The following PTPRD variants were observed in gnomAD, a reference collection of about 807,000 sequenced individuals.
PTPRD encodes receptor-type tyrosine-protein phosphatase delta.
A neutral mutation model predicts 214.5 loss-of-function variants in PTPRD; 34 were observed. That is an observed-to-expected ratio of 0.16 (90% CI 0.12 to 0.21). The LOEUF (loss-of-function observed/expected upper bound fraction) is 0.21, where lower values mean the gene tolerates loss of function less well. Ranked by LOEUF, PTPRD falls within the 10% of genes least tolerant of loss-of-function variation. The pLI, the probability that PTPRD is intolerant of heterozygous loss-of-function variation, is 1.00. For synonymous variants in PTPRD, 1,128 were observed against 845.7 expected (o/e 1.33, Z -5.79); for missense variants, 2,545 against 2,398.7 (o/e 1.06, Z -1.27).
chr9:9,812,180 G>A (rs571993912), intron 5 of PTPRD, among the ~76,000 whole-genome samples: 99 of 152,168 alleles, frequency 6.5e-4, no homozygotes, highest in African/African-American at 2.2e-3. Context: ...ATAGACCACA[G>A]TATAGTATAA....
At chr9:8,395,911 G>A (rs369992184) in intron 36 of PTPRD, among the ~76,000 whole-genome samples, 1 of 152,056 alleles carries the variant, frequency 6.6e-6, no homozygotes, top group African/African-American at 2.4e-5. Context: ...TGATAGAGGG[G>A]CGTGCTTTTT....
intron 9 of PTPRD, among the ~76,000 whole-genome samples, chr9:9,315,075 AGTT>A (rs1460644685): frequency 6.6e-6 from 1 of 152,008 alleles, no homozygotes; most frequent in Non-Finnish European, 1.5e-5. Flanking sequence ...GGCCAACTAA[AGTT>A]GTCATTTAGA....
At chr9:8,673,077 A>G (rs1341485683) in intron 12 of PTPRD, among the ~76,000 whole-genome samples, 2 of 152,032 alleles carry the variant, frequency 1.3e-5, no homozygotes, top group Non-Finnish European at 2.9e-5. Context: ...TTCTACTAAG[A>G]TATCCTTACA....
At chr9:9,043,544 A>G (rs2154385221) in intron 10 of PTPRD, among the ~76,000 whole-genome samples, 1 of 152,270 alleles carries the variant, frequency 6.6e-6, no homozygotes, top group Non-Finnish European at 1.5e-5. Context: ...AGAAGGTGCC[A>G]CTCTATCTTT....
chr9:10,111,974 C>A (rs2098695240), intron 3 of PTPRD, among the ~76,000 whole-genome samples: 1 of 152,178 alleles, frequency 6.6e-6, no homozygotes, highest in South Asian at 2.1e-4. Flanking sequence ...AGCAGATGTA[C>A]TTTCTTTTCA....
chr9:10,264,777 T>G (rs2093940384), intron 3 of PTPRD, among the ~76,000 whole-genome samples: 1 of 152,064 alleles, frequency 6.6e-6, no homozygotes, highest in African/African-American at 2.4e-5. Context: ...AGGGGCGGAA[T>G]GATATGGTTT....
At chr9:9,975,063 A>C (rs2382097) in intron 4 of PTPRD, among the ~76,000 whole-genome samples, 3 of 104,866 alleles carry the variant, frequency 2.9e-5, no homozygotes, top group Admixed American at 2.6e-4. Context: ...TATCACAATC[A>C]ACTGAGGATT....
intron 8 of PTPRD, among the ~76,000 whole-genome samples, chr9:9,429,038 A>G (rs1479812646): frequency 6.6e-6 from 1 of 152,220 alleles, no homozygotes; most frequent in African/African-American, 2.4e-5. Context: ...GCGGAAGTCA[A>G]GAAATAACTA....
intron 12 of PTPRD, among the ~76,000 whole-genome samples, chr9:8,642,462 G>A (rs1260869131): frequency 6.6e-6 from 1 of 152,196 alleles, no homozygotes; most frequent in East Asian, 1.9e-4. Context: ...AGAATGTTCA[G>A]TGGGAACATG....
At chr9:10,513,428 A>T (rs532184525) in intron 2 of PTPRD, among the ~76,000 whole-genome samples, 2 of 152,282 alleles carry the variant, frequency 1.3e-5, no homozygotes, top group East Asian at 3.9e-4. Flanking sequence ...TCAAAAATAC[A>T]ATGAAAATAT....
chr9:8,324,525 A>G (rs1831664843), intron 44 of PTPRD, among the ~76,000 whole-genome samples: 1 of 152,088 alleles, frequency 6.6e-6, no homozygotes, highest in Non-Finnish European at 1.5e-5. Context: ...GTTGCTTACA[A>G]GTCTTTGCTA....
intron 12 of PTPRD, among the ~76,000 whole-genome samples, chr9:8,658,596 T>G (rs987690009): frequency 1.3e-5 from 2 of 149,798 alleles, no homozygotes; most frequent in African/African-American, 4.9e-5. Flanking sequence ...TCCTCAGAGA[T>G]CCACAAAATA....
chr9:10,506,261 A>T (rs1319629654), intron 2 of PTPRD, among the ~76,000 whole-genome samples: 1 of 152,182 alleles, frequency 6.6e-6, no homozygotes, highest in Non-Finnish European at 1.5e-5. Context: ...ATGTGCAAAA[A>T]TAGTATGAAG....
chr9:10,012,866 A>T (rs1287206127), intron 4 of PTPRD, among the ~76,000 whole-genome samples: 2 of 151,996 alleles, frequency 1.3e-5, no homozygotes, highest in Non-Finnish European at 2.9e-5. Flanking sequence ...ACAAAATAAC[A>T]GAAGACATAC....
intron 5 of PTPRD, among the ~76,000 whole-genome samples, chr9:9,788,514 G>A (rs1248974563): frequency 6.8e-5 from 10 of 147,604 alleles, no homozygotes; most frequent in African/African-American, 1.3e-4. Flanking sequence ...ATCGGGCCAC[G>A]GCACTCCAGC....
intron 7 of PTPRD, among the ~76,000 whole-genome samples, chr9:9,686,568 C>T (rs2097170761): frequency 6.6e-6 from 1 of 151,556 alleles, no homozygotes; most frequent in Middle Eastern, 3.4e-3. Flanking sequence ...TTTGTGGTGG[C>T]TAATAGGAAG....
intron 11 of PTPRD, among the ~76,000 whole-genome samples, chr9:8,754,734 AAT>A (rs2093836366): frequency 2.3e-5 from 1 of 43,014 alleles, no homozygotes; most frequent in South Asian, 1.7e-3. Context: ...AATTTCAATT[AAT>A]TAAAATTTAA....
chr9:10,415,007 T>C (rs912287325), intron 2 of PTPRD, among the ~76,000 whole-genome samples: 1 of 151,706 alleles, frequency 6.6e-6, no homozygotes, highest in Admixed American at 6.6e-5. Flanking sequence ...TATTAATAGG[T>C]GATGAAGTAA....
At chr9:10,386,769 A>G (rs2097921389) in intron 2 of PTPRD, among the ~76,000 whole-genome samples, 1 of 151,902 alleles carries the variant, frequency 6.6e-6, no homozygotes, top group Non-Finnish European at 1.5e-5. Context: ...AGGAAGAACA[A>G]TGGATCCCCA....
Sources: gnomAD v4.1 joint callset for allele counts (sites outside exome capture counted in the v4.1 genomes callset) on GRCh38, gnomAD v4.1.1 for gene constraint, MANE v1.5 for transcripts, NCBI Gene and HGNC (gene_info 2026-07-23, HGNC 2026-07-21) for gene names.